Variants in SPEF2 observed in about 807,000 individuals in gnomAD.
SPEF2 encodes the protein sperm flagellar and cilia associated 2, also known as sperm flagella and cilia-associated protein 2.
SPEF2 carries 187 observed loss-of-function variants against 224.6 expected under a neutral mutation model. The observed-to-expected ratio is 0.83, with a 90% CI of 0.74 to 0.94. The LOEUF is 0.94. SPEF2 is among the 40% of genes least tolerant of loss of function. The probability of loss-of-function intolerance (pLI) is 0.00; values close to 1 mark genes in which losing one functional copy is unlikely to be tolerated. For missense variants in SPEF2, 2,170 were observed against 2,135.6 expected, an observed-to-expected ratio of 1.02 and a Z score of -0.32; for synonymous variants, 715 against 707.3, an observed-to-expected ratio of 1.01 and a Z score of -0.17.
At chr5:35,720,656 T>C (rs1280466256) in intron 20 of SPEF2, among the ~76,000 whole-genome samples, 1 of 152,226 alleles carries the variant, frequency 6.6e-6, no homozygotes, top group African/African-American at 2.4e-5. Context: ...TTAATTATGA[T>C]TGATAGCATA....
At chr5:35,717,620 G>T (rs543226043) in intron 20 of SPEF2, among the ~76,000 whole-genome samples, 8 of 152,110 alleles carry the variant, frequency 5.3e-5, no homozygotes, top group African/African-American at 1.9e-4. Flanking sequence ...GGGAAAAAAA[G>T]AGGAAAACGG....
chr5:35,740,002 G>A lies in SPEF2; in HGVS notation c.3147G>A (p.Leu1049=). The A allele has an allele frequency of 6.2e-7, 1 of 1,614,166 alleles. No individual in the cohort carries two copies. The highest frequency in any genetic ancestry group is 8.5e-7 in the Non-Finnish European group (1 of 1,180,010). ...CCATCAAAACAGTACTCAGGCATCT[G>A]AGGGAAGACCAGCATACTGTGCTTG... ...INTIKTVLRH[L]REDQHTVLAY... is the part of the protein sequence containing the mutation. Residue 1049 remains leucine, a synonymous_variant, in exon 22 of 37, where the codon CTG becomes CTA. Transcript: ENST00000356031.
intron 21 of SPEF2, among the ~76,000 whole-genome samples, chr5:35,737,386 C>A (rs1215573935): frequency 7.1e-6 from 1 of 140,784 alleles, no homozygotes; most frequent in Non-Finnish European, 1.5e-5. Context: ...ACAACAGGCC[C>A]CGGGATGTAA....
chr5:35,800,115 CA>C lies in SPEF2; in HGVS notation c.4980del (p.Val1661SerfsTer36). ...SVAVGTHVFQ[Q>X]VKASIPSAEK... is the part of the protein sequence containing the mutation. The stretch of plus-strand genomic sequence containing the variant: ...GGCTGTTGGAACTCATGTCTTCCAA[CA>C]AGTCAAAGCTTCCATTCCAAGTGCA... On this transcript the variant is annotated frameshift_variant, in exon 34 of 37. Transcript: ENST00000356031. LOFTEE classifies it high-confidence loss of function. 1 of 1,614,122 alleles carries C rather than the reference CA, an allele frequency of 6.2e-7. No individual in the cohort carries two copies. Among genetic ancestry groups the C allele is most frequent in the Middle Eastern group, 1.6e-4 (1 of 6,062 alleles).
chr5:35,619,569 T>C (rs2112102490), intron 1 of SPEF2, among the ~76,000 whole-genome samples: 1 of 151,806 alleles, frequency 6.6e-6, no homozygotes, highest in East Asian at 1.9e-4. Context: ...CCCAGCTACT[T>C]GGGAGGCTGA....
Position 35,644,325 on chromosome 5 carries a change from A to G in SPEF2, c.415-30A>G, listed in dbSNP as rs769942618. On this transcript the variant is annotated intron_variant, in intron 3 of 36. Coordinates refer to ENST00000356031, the MANE Select transcript of SPEF2 (RefSeq NM_024867.4). ...GAAAATGTACTCTTTATTCTCTAAT[A>G]AAATCTTTTGAAATGCTTTTTTCAT... is the stretch of plus-strand genomic sequence containing the variant. 2.7e-6 allele frequency: 4 copies of G among 1,473,006 alleles called. No homozygotes were observed. In the South Asian group the frequency reaches 4.4e-5, roughly 16 times the overall value. 91.2% of individuals were successfully genotyped at this position (1,473,006 alleles called of 1,614,324 possible). A position where few individuals can be genotyped will look rare whatever the true frequency, so the allele number is the denominator to read the frequency against.
In SPEF2 at chr5:35,667,077, G is replaced by T. The variant is rs764446026; in HGVS notation, c.1173G>T (p.Leu391Phe). 1 of 1,598,616 alleles carries T rather than the reference G, an allele frequency of 6.3e-7. No homozygotes were observed. Among genetic ancestry groups the T allele is most frequent in the Non-Finnish European group, 8.5e-7 (1 of 1,175,688 alleles). ...ATATGTTTTTGCCTTTTTAGGCTTT[G>T]GCAAAACAAGCCAAGATTGACTTTG... ...FQDALDREAA[L>F]AKQAKIDFEE... The change falls in exon 9 of 37, where the codon TTG becomes TTT. Residue 391 changes from leucine (L) to phenylalanine (F), a missense_variant. Transcript: ENST00000356031.
At chr5:35,638,564 TTTTAC>T (rs1389053791) in intron 2 of SPEF2, among the ~76,000 whole-genome samples, 3 of 152,220 alleles carry the variant, frequency 2.0e-5, no homozygotes, top group Non-Finnish European at 2.9e-5. Context: ...TAAACTCTTC[TTTTAC>T]TTTCTTAGTA....
At chr5:35,808,927 G>A (rs187166932) in intron 36 of SPEF2, among the ~76,000 whole-genome samples, 18 of 150,000 alleles carry the variant, frequency 1.2e-4, no homozygotes, top group Non-Finnish European at 2.1e-4. Context: ...GTTTAGACAC[G>A]AAGCCTATGC....
rs147846908 is a variant in SPEF2, at chr5:35,635,783, T to G, written c.162-5648T>G. On this transcript the variant is annotated intron_variant, in intron 2 of 36. Coordinates refer to ENST00000356031, the MANE Select transcript of SPEF2 (RefSeq NM_024867.4). ...ATTTTCACATTGAAAATTCGTCAGA[T>G]TTGCTTCAGCCTCATAGAGTGTTTA... Among the ~76,000 whole-genome samples, 107 of 152,346 alleles carry G rather than the reference T, an allele frequency of 7.0e-4. 1 individual carries two copies. The highest frequency in any genetic ancestry group is 2.4e-3 in the African/African-American group (99 of 41,586).
intron 10 of SPEF2, chr5:35,670,658 G>A (rs932970313): frequency 1.0e-5 from 10 of 985,728 alleles, no homozygotes; most frequent in Non-Finnish European, 1.2e-5. Flanking sequence ...TTTATGAATA[G>A]CATAGATTCA....
intron 20 of SPEF2, among the ~76,000 whole-genome samples, chr5:35,724,187 A>G (rs1744237839): frequency 6.6e-6 from 1 of 152,182 alleles, no homozygotes; most frequent in African/African-American, 2.4e-5. Context: ...AACCTATGAG[A>G]AGAAAACAAA....
At chr5:35,692,788 T>A (rs1013106090) in intron 12 of SPEF2, 64 bp downstream of exon 12, 14 of 1,515,138 alleles carry the variant, frequency 9.2e-6, no homozygotes, top group Non-Finnish European at 1.3e-5. Flanking sequence ...CTGGATGGAA[T>A]TTAAAAGGTC....
At chr5:35,727,563 A>C in intron 20 of SPEF2, 112 bp from the exon 21 acceptor site, 1 of 866,346 alleles carries the variant, frequency 1.2e-6, no homozygotes, top group South Asian at 2.0e-5. Context: ...AAAAGCTTAA[A>C]AAGTAGTTAA....
intron 20 of SPEF2, among the ~76,000 whole-genome samples, chr5:35,726,985 C>G (rs969868073): frequency 1.4e-5 from 1 of 74,028 alleles, no homozygotes; most frequent in Admixed American, 1.4e-4. Flanking sequence ...CCCAAGCACC[C>G]CCCCCCTTTC....
intron 10 of SPEF2, among the ~76,000 whole-genome samples, chr5:35,684,314 T>G (rs996023790): frequency 2.0e-5 from 3 of 152,200 alleles, no homozygotes; most frequent in Non-Finnish European, 4.4e-5. Context: ...TTATTTTTGG[T>G]CTTTGCTAGG....
Position 35,628,372 on chromosome 5 carries a change from G to A in SPEF2, c.59-88G>A, listed in dbSNP as rs554632761. 2.7e-5 allele frequency: 20 copies of A among 750,056 alleles called. No individual in the cohort carries two copies. In the East Asian group the frequency reaches 4.2e-4, roughly 16 times the overall value. 46.5% of individuals were successfully genotyped at this position (750,056 alleles called of 1,614,324 possible). A position where few individuals can be genotyped will look rare whatever the true frequency, so the allele number is the denominator to read the frequency against. ...TTTTGAGTTCCAGTTAAATTGTGTA[G>A]TTTTTAGTGTATGTATATTTAAAGA... On this transcript the variant is annotated intron_variant, in intron 1 of 36. Transcript: ENST00000356031.
At chr5:35,702,939 G>A (rs901969483) in intron 16 of SPEF2, among the ~76,000 whole-genome samples, 3 of 152,038 alleles carry the variant, frequency 2.0e-5, no homozygotes, top group Admixed American at 2.0e-4. Flanking sequence ...TGACTGGTAT[G>A]CGAGCCATTT....
chr5:35,686,476 C>A (rs1033484495), intron 10 of SPEF2, among the ~76,000 whole-genome samples: 50 of 151,984 alleles, frequency 3.3e-4, no homozygotes, highest in African/African-American at 1.2e-3. Context: ...AGAAAAATAC[C>A]ATTTTACCTA....
Sources: gnomAD v4.1 joint callset for allele counts (sites outside exome capture counted in the v4.1 genomes callset) on GRCh38, gnomAD v4.1.1 for gene constraint, MANE v1.5 for transcripts, NCBI Gene and HGNC (gene_info 2026-07-23, HGNC 2026-07-21) for gene names.